Variants in TFEB observed in about 807,000 individuals in gnomAD.
The protein encoded by TFEB is T-cell transcription factor EB.
In TFEB, 12 loss-of-function variants were observed where a neutral mutation model predicts 48.0. The observed-to-expected ratio is 0.25, with a 90% CI of 0.16 to 0.40. The LOEUF (loss-of-function observed/expected upper bound fraction) is 0.40, where lower values mean the gene tolerates loss of function less well. TFEB is among the 10% of genes least tolerant of loss of function. The pLI is 1.00. For missense variants in TFEB, 509 were observed against 640.3 expected (o/e 0.79, Z 2.21); for synonymous variants, 244 against 261.4 (o/e 0.93, Z 0.64).
chr6:41,731,214 G>A (rs904941596), intron 1 of TFEB, among the ~76,000 whole-genome samples: 1 of 152,184 alleles, frequency 6.6e-6, no homozygotes, highest in Non-Finnish European at 1.5e-5. Flanking sequence ...TTTTAGGTGT[G>A]GAAACTGAGG....
rs141314320 is a variant in TFEB at position 41,724,924 on chromosome 6, G to A, written c.-23+10426C>T. ...CAGGGAACACAGTCAAGGAAGAAGG[G>A]CCAGTGCTGAAAAGGCCTGGCTCTA... On this transcript the variant is annotated intron_variant, in intron 1 of 8. Transcript: ENST00000373033. This position sits in a 1 kb window ranked among gnomAD's most constrained non-coding sequence, Gnocchi z 4.4. Among the ~76,000 whole-genome samples the A allele has an allele frequency of 8.5e-4, 130 of 152,266 alleles. No individual in the cohort carries two copies. The highest frequency in any genetic ancestry group is 1.5e-3 in the Admixed American group (23 of 15,304).
chr6:41,709,208 AG>A (rs964167512), intron 1 of TFEB, among the ~76,000 whole-genome samples: 1 of 152,216 alleles, frequency 6.6e-6, no homozygotes, highest in Non-Finnish European at 1.5e-5. Flanking sequence ...ACACCAACAG[AG>A]GCCATTTGAT....
In TFEB at chr6:41,734,481, G is replaced by T; in HGVS notation, c.-23+869C>A. On this transcript the variant is annotated intron_variant, in intron 1 of 8. Transcript: ENST00000373033. The surrounding 1 kb of genome is among the most constrained non-coding windows in gnomAD (Gnocchi z 4.0). ...AGGCGAGCGGACGCGCTGGGCCAGA[G>T]CTGGTCGGGACAGCCCAGGGGTGGG... The T allele has an allele frequency of 1.5e-6, 1 of 681,250 alleles. No homozygotes were observed. The highest frequency in any genetic ancestry group is 1.8e-6 in the Non-Finnish European group (1 of 552,536). 42.2% of individuals were successfully genotyped at this position (681,250 alleles called of 1,614,324 possible). A position where few individuals can be genotyped will look rare whatever the true frequency, so the allele number is the denominator to read the frequency against.
At chr6:41,702,351 A>G (rs1404521129) in intron 1 of TFEB, among the ~76,000 whole-genome samples, 1 of 152,086 alleles carries the variant, frequency 6.6e-6, no homozygotes, top group Non-Finnish European at 1.5e-5. Flanking sequence ...GCGGAAGGGG[A>G]GGCTATATGA....
At chr6:41,709,132 C>T (rs1222152764) in intron 1 of TFEB, among the ~76,000 whole-genome samples, 8 of 152,200 alleles carry the variant, frequency 5.3e-5, no homozygotes, top group African/African-American at 1.9e-4. Flanking sequence ...CATTCCAGAA[C>T]CTTGGCATGC....
intron 1 of TFEB, chr6:41,732,812 C>G: frequency 5.1e-6 from 5 of 985,952 alleles, no homozygotes; most frequent in Non-Finnish European, 6.0e-6. Flanking sequence ...CCTGAACTCC[C>G]ACCCTCCGAT....
chr6:41,690,718 C>A lies in TFEB; in HGVS notation c.413G>T (p.Ser138Ile). 1 of 1,583,540 alleles carries A rather than the reference C, an allele frequency of 6.3e-7. No individual in the cohort carries two copies. The highest frequency in any genetic ancestry group is 1.1e-5 in the South Asian group (1 of 87,782). ...GHVLSSSAGNSAPNSPMAMLH... is the reference protein window; with the variant it reads ...GHVLSSSAGNIAPNSPMAMLH... ...CATGGCCATGGGGCTATTGGGAGCA[C>A]TGTTGCCAGCGGAGGAGGACAGCAC... Residue 138 changes from serine (S) to isoleucine (I), a missense_variant, in exon 3 of 9, where the codon AGT (serine) becomes ATT (isoleucine). By Grantham distance (142) the Ser-to-Ile change is moderately radical. Around this residue, in one of 4 missense-constraint regions of TFEB, gnomAD observed 251 missense variants for 317.2 expected, o/e 0.79. Coordinates refer to ENST00000373033, the MANE Select transcript of TFEB (RefSeq NM_001271944.2).
Position 41,691,130 on chromosome 6 carries a change from C to T in TFEB, c.84G>A (p.Gln28=). The change falls in exon 2 of 9, where the codon CAG becomes CAA. Residue 28 remains glutamine (Q), a synonymous_variant. Coordinates refer to ENST00000373033, the MANE Select transcript of TFEB (RefSeq NM_001271944.2). The surrounding 1 kb of genome is among the most constrained non-coding windows in gnomAD (Gnocchi z 5.2). ...QEEQRERMQQ[Q]AVMHYMQQQQ... ...GCTGCTGCATGTAATGCATGACAGC[C>T]TGTTGCTGCATGCGCTCCCGCTGCT... 1 of 1,587,908 alleles carries T rather than the reference C, an allele frequency of 6.3e-7. No individual in the cohort carries two copies. The highest frequency in any genetic ancestry group is 8.6e-7 in the Non-Finnish European group (1 of 1,165,688).
chr6:41,695,722 T>C (rs948498392), intron 1 of TFEB, among the ~76,000 whole-genome samples: 1 of 151,968 alleles, frequency 6.6e-6, no homozygotes, highest in Non-Finnish European at 1.5e-5. Context: ...GGGGGAGGGA[T>C]AAAGAGGGAT....
At chr6:41,728,469 G>C (rs986285667) in intron 1 of TFEB, among the ~76,000 whole-genome samples, 1 of 152,240 alleles carries the variant, frequency 6.6e-6, no homozygotes, top group Admixed American at 6.5e-5. Flanking sequence ...CACCTGGCTA[G>C]AGCTGGGAGG....
chr6:41,729,033 C>T (rs1771337481), intron 1 of TFEB, among the ~76,000 whole-genome samples: 1 of 152,062 alleles, frequency 6.6e-6, no homozygotes, highest in Non-Finnish European at 1.5e-5. Context: ...ACACAGCAAA[C>T]CCCTGTGCCC....
At position 41,691,308 on chromosome 6, in the gene TFEB, G is replaced by C. The variant is rs555846882; in HGVS notation, c.-22-73C>G. ...AAAGCACAGGGGCTGGCAGGGGGAG[G>C]CCAGAATGACTGGGACCGCATCCAT... On this transcript the variant is annotated intron_variant, in intron 1 of 8. Transcript: ENST00000373033. The surrounding 1 kb of genome is among the most constrained non-coding windows in gnomAD (Gnocchi z 5.2). The C allele has an allele frequency of 2.8e-4, 408 of 1,446,430 alleles. 4 individuals carry two copies. The South Asian group carries it at 4.0e-3, about 14-fold the overall frequency. The allele number at this position is 1,446,430 out of a possible 1,614,324, so 89.6% of individuals were successfully genotyped here.
intron 1 of TFEB, chr6:41,733,178 A>C: frequency 1.9e-5 from 8 of 419,900 alleles, no homozygotes; most frequent in Non-Finnish European, 2.6e-5. Flanking sequence ...CCTACTTCTC[A>C]GCTTTCCAGA....
At chr6:41,689,559 C>T (rs1769186134) in intron 4 of TFEB, among the ~76,000 whole-genome samples, 172 bp downstream of exon 4, 1 of 152,216 alleles carries the variant, frequency 6.6e-6, no homozygotes, top group Admixed American at 6.5e-5. Flanking sequence ...TTCATAATTC[C>T]TCTTGGCCCC....
intron 1 of TFEB, among the ~76,000 whole-genome samples, chr6:41,692,006 T>C (rs145950334): frequency 6.6e-6 from 1 of 152,286 alleles, no homozygotes; most frequent in East Asian, 1.9e-4. Flanking sequence ...GATGACATCA[T>C]GGCTCACTCC....
intron 1 of TFEB, among the ~76,000 whole-genome samples, chr6:41,695,457 T>C (rs1769528530): frequency 6.6e-6 from 1 of 152,224 alleles, no homozygotes; most frequent in Non-Finnish European, 1.5e-5. Context: ...CTAATGTTAA[T>C]TCTGTTTTTT....
At chr6:41,733,426 A>G in intron 1 of TFEB, 1 of 196,756 alleles carries the variant, frequency 5.1e-6, no homozygotes, top group Non-Finnish European at 9.2e-6. Flanking sequence ...CGTCTCCCAG[A>G]GCTGAGTTGA....
chr6:41,723,346 C>T lies in TFEB; in HGVS notation c.-23+12004G>A, dbSNP rs781084659. On this transcript the variant is annotated intron_variant, in intron 1 of 8. Coordinates refer to ENST00000373033, the MANE Select transcript of TFEB (RefSeq NM_001271944.2). The surrounding 1 kb of genome is among the most constrained non-coding windows in gnomAD (Gnocchi z 6.0). ...CACCCACCTCCCCAAAGACACCACA[C>T]GCATGCACATACACTCACACAGATG... is the stretch of plus-strand genomic sequence containing the variant. The T allele has an allele frequency of 9.0e-5, 58 of 644,346 alleles. No homozygotes were observed. The highest frequency in any genetic ancestry group is 3.1e-4 in the Admixed American group (13 of 41,870). The allele number at this position is 644,346 out of a possible 1,614,324, so 39.9% of individuals were successfully genotyped here. A position where few individuals can be genotyped will look rare whatever the true frequency, so the allele number is the denominator to read the frequency against.
chr6:41,686,717 T>C (rs931779586), intron 7 of TFEB: 1 of 266,898 alleles, frequency 3.7e-6, no homozygotes, highest in Non-Finnish European at 7.3e-6. Flanking sequence ...GGTTTCGCCA[T>C]GTTGGCCAGG....
Sources: gnomAD v4.1 joint callset for allele counts (sites outside exome capture counted in the v4.1 genomes callset) on GRCh38, gnomAD v4.1.1 for gene constraint, gnomAD v4.1.1 regional missense constraint, Gnocchi (gnomAD v3.1) non-coding constraint, MANE v1.5 for transcripts, NCBI Gene and HGNC (gene_info 2026-07-23, HGNC 2026-07-21) for gene names.